The following ROBO2 variants were observed in gnomAD, a reference collection of about 807,000 sequenced individuals.
The protein encoded by ROBO2 is roundabout homolog 2.
Under a neutral mutation model 160.8 loss-of-function variants are expected in ROBO2, and 53 were observed. The ratio of observed to expected loss-of-function variants is 0.33; its 90% CI spans 0.26 to 0.41. The LOEUF (loss-of-function observed/expected upper bound fraction) is 0.41, where lower values mean the gene tolerates loss of function less well. ROBO2 is among the 10% of genes least tolerant of loss of function. ROBO2 has a pLI of 1.00. For synonymous variants in ROBO2, 664 were observed against 611.7 expected, an observed-to-expected ratio of 1.09 and a Z score of -1.26; for missense variants, 1,577 against 1,722.4, an observed-to-expected ratio of 0.92 and a Z score of 1.49.
At chr3:76,657,707 TGTGTGTATATATA>T in intron 2 of ROBO2, among the ~76,000 whole-genome samples, 1 of 142,062 alleles carries the variant, frequency 7.0e-6, no homozygotes, top group Non-Finnish European at 1.5e-5. Context: ...TATTCATATA[TGTGTGTATATATA>T]TTCATATATG....
intron 2 of ROBO2, among the ~76,000 whole-genome samples, chr3:76,699,938 G>A (rs1292536766): frequency 6.6e-6 from 1 of 152,060 alleles, no homozygotes; most frequent in African/African-American, 2.4e-5. Context: ...GAGGCACAGA[G>A]CATGGTAAAT....
chr3:76,163,205 C>T (rs183813481), intron 2 of ROBO2, among the ~76,000 whole-genome samples: 118 of 152,016 alleles, frequency 7.8e-4, no homozygotes, highest in East Asian at 7.7e-4. Context: ...ATATGGTGAG[C>T]AGGGCCCACC....
Position 76,695,908 on chromosome 3 carries a change from T to C in ROBO2, c.110-402106T>C, listed in dbSNP as rs182993183. ...TGGATATCCAGGCAGTAGTGCACAT[T>C]TGATTTGATGATTTTTTTAAAAATA... On this transcript the variant is annotated intron_variant, in intron 2 of 26. Transcript: ENST00000487694. Among the ~76,000 whole-genome samples the C allele has an allele frequency of 4.6e-5, 7 of 152,260 alleles. No individual in the cohort carries two copies. In the East Asian group the frequency reaches 1.4e-3, roughly 29 times the overall value.
chr3:75,937,790 C>T (rs1947852555), intron 2 of ROBO2, among the ~76,000 whole-genome samples: 1 of 143,360 alleles, frequency 7.0e-6, no homozygotes, highest in Non-Finnish European at 1.5e-5. Context: ...GTAAATGCAT[C>T]AAAATTGAAG....
At chr3:76,096,832 A>G (rs543466354) in intron 2 of ROBO2, among the ~76,000 whole-genome samples, 59 of 152,320 alleles carry the variant, frequency 3.9e-4, no homozygotes, top group African/African-American at 1.4e-3. Context: ...GAGACGAGTT[A>G]ATGAACATCC....
chr3:76,125,794 A>G lies in ROBO2; in HGVS notation c.109+188192A>G, dbSNP rs147841233. Among the ~76,000 whole-genome samples the G allele has an allele frequency of 9.4e-3, 1,428 of 152,224 alleles. 24 individuals are homozygous for G. The highest frequency in any genetic ancestry group is 0.033 in the African/African-American group (1,378 of 41,536). Reference sequence around the variant, plus strand: ...AACTAAATGGTTTATCACAAATAACAGTGTCTTAGAGCATCAAAATAATTT... The same window carrying G: ...AACTAAATGGTTTATCACAAATAACGGTGTCTTAGAGCATCAAAATAATTT... On this transcript the variant is annotated intron_variant, in intron 2 of 26. Transcript: ENST00000487694.
intron 2 of ROBO2, among the ~76,000 whole-genome samples, chr3:76,335,423 C>G (rs1206756345): frequency 6.6e-6 from 1 of 151,908 alleles, no homozygotes; most frequent in Non-Finnish European, 1.5e-5. Context: ...CTCAAGTGAT[C>G]TGCCCACCTT....
intron 2 of ROBO2, among the ~76,000 whole-genome samples, chr3:77,208,595 A>G (rs1255522941): frequency 6.6e-6 from 1 of 152,190 alleles, no homozygotes; most frequent in East Asian, 1.9e-4. Flanking sequence ...TTGAATGGAC[A>G]GAACTAACAG....
At chr3:76,112,590 A>G (rs1056981100) in intron 2 of ROBO2, among the ~76,000 whole-genome samples, 43 of 151,992 alleles carry the variant, frequency 2.8e-4, no homozygotes, top group African/African-American at 1.0e-3. Context: ...TAAATGTACT[A>G]TGTTTAAGAG....
chr3:77,052,537 C>A (rs1320010165), intron 1 of ROBO2, among the ~76,000 whole-genome samples: 1 of 152,186 alleles, frequency 6.6e-6, no homozygotes, highest in Non-Finnish European at 1.5e-5. Flanking sequence ...GGCTATTTTG[C>A]AAATTAGATC....
intron 2 of ROBO2, among the ~76,000 whole-genome samples, chr3:76,069,925 A>G (rs553902770): frequency 2.7e-4 from 41 of 152,298 alleles, no homozygotes; most frequent in African/African-American, 8.4e-4. Context: ...CTTTACTGCA[A>G]TCTCTAAACA....
intron 2 of ROBO2, among the ~76,000 whole-genome samples, chr3:76,393,843 G>A (rs1018908270): frequency 1.3e-5 from 2 of 152,096 alleles, no homozygotes; most frequent in Non-Finnish European, 2.9e-5. Context: ...ACATGGTCCA[G>A]GTTTTATTTG....
At chr3:76,225,735 A>C (rs1007868996) in intron 2 of ROBO2, among the ~76,000 whole-genome samples, 21 of 152,306 alleles carry the variant, frequency 1.4e-4, no homozygotes, top group African/African-American at 5.1e-4. Flanking sequence ...CAATAAAATA[A>C]AATAAAATAA....
chr3:77,244,559 C>T (rs578245965), intron 2 of ROBO2, among the ~76,000 whole-genome samples: 1 of 151,994 alleles, frequency 6.6e-6, no homozygotes, highest in Non-Finnish European at 1.5e-5. Context: ...CCCTTAGTTC[C>T]AGATATTGAT....
intron 2 of ROBO2, among the ~76,000 whole-genome samples, chr3:77,112,784 CT>C (rs1285114686): frequency 3.9e-5 from 6 of 152,160 alleles, no homozygotes; most frequent in Non-Finnish European, 8.8e-5. Context: ...TATATGTGTT[CT>C]TTCCTGGGAT....
intron 2 of ROBO2, among the ~76,000 whole-genome samples, chr3:76,057,189 G>A (rs1004943526): frequency 6.6e-6 from 1 of 152,024 alleles, no homozygotes; most frequent in African/African-American, 2.4e-5. Context: ...TCTGATACTA[G>A]GCGTATGCGG....
intron 2 of ROBO2, among the ~76,000 whole-genome samples, chr3:76,738,516 A>T (rs1045137776): frequency 6.6e-6 from 1 of 152,220 alleles, no homozygotes; most frequent in Non-Finnish European, 1.5e-5. Context: ...GTCTCCAGAC[A>T]TCGCCACTTG....
At chr3:76,101,703 C>T (rs2069690374) in intron 2 of ROBO2, among the ~76,000 whole-genome samples, 1 of 139,388 alleles carries the variant, frequency 7.2e-6, no homozygotes, top group African/African-American at 2.6e-5. Context: ...CCCCCTCCCC[C>T]CACCCCACCA....
chr3:77,016,663 A>T (rs1051272757), intron 2 of ROBO2, among the ~76,000 whole-genome samples: 4 of 152,160 alleles, frequency 2.6e-5, no homozygotes, highest in African/African-American at 9.7e-5. Flanking sequence ...ATAGCTCTGT[A>T]ATGCAACCAT....
Sources: allele counts gnomAD v4.1 joint callset (sites outside exome capture counted in the v4.1 genomes callset), GRCh38; gene constraint gnomAD v4.1.1; transcripts MANE v1.5; gene names NCBI Gene and HGNC (gene_info 2026-07-23, HGNC 2026-07-21).